The following PPP2R3A variants were observed in gnomAD, a reference collection of about 807,000 sequenced individuals.
PPP2R3A encodes protein phosphatase 2 regulatory subunit B''alpha.
PPP2R3A carries 80 observed loss-of-function variants against 106.9 expected under a neutral mutation model. That is an observed-to-expected ratio of 0.75 (90% CI 0.62 to 0.90). The LOEUF (loss-of-function observed/expected upper bound fraction) is 0.90, where lower values mean the gene tolerates loss of function less well. Among genes scored for constraint, PPP2R3A ranks in the 40% least tolerant of loss-of-function variants. The pLI is 0.00. For synonymous variants in PPP2R3A, 483 were observed against 468.3 expected (o/e 1.03, Z -0.41); for missense variants, 1,386 against 1,350.4 (o/e 1.03, Z -0.41).
In PPP2R3A at chr3:136,026,989, TC is replaced by T; in HGVS notation, c.2156del (p.Pro719GlnfsTer11). 1.2e-6 allele frequency: 2 copies of T among 1,613,098 alleles called. No homozygotes were observed. The highest frequency in any genetic ancestry group is 1.7e-6 in the Non-Finnish European group (2 of 1,179,080). On this transcript the variant is annotated frameshift_variant, in exon 3 of 14. Coordinates refer to ENST00000264977, the MANE Select transcript of PPP2R3A (RefSeq NM_002718.5). LOFTEE classifies it high-confidence loss of function. ...NIPRFYFPEG[L>X]PDTCSNHEQT... ...CCACGGTTCTACTTTCCTGAAGGAC[TC>T]CCAGATACCTGTAGTAATCATGAAC...
chr3:136,092,801 T>C (rs970449022), intron 10 of PPP2R3A, among the ~76,000 whole-genome samples: 6 of 152,182 alleles, frequency 3.9e-5, no homozygotes, highest in South Asian at 2.1e-4. Context: ...TTTTAATAAA[T>C]AGTGCCGGAA....
intron 2 of PPP2R3A, among the ~76,000 whole-genome samples, chr3:136,007,611 T>C (rs544843701): frequency 6.6e-6 from 1 of 152,276 alleles, no homozygotes; most frequent in African/African-American, 2.4e-5. Flanking sequence ...GGGGCAGAAA[T>C]CCCTCGATAA....
chr3:136,117,071 G>T (rs771741342), intron 13 of PPP2R3A, among the ~76,000 whole-genome samples: 6 of 152,050 alleles, frequency 3.9e-5, no homozygotes, highest in African/African-American at 1.2e-4. Flanking sequence ...ATTAGAACTC[G>T]GGATTAAGAA....
chr3:135,973,822 A>G (rs1348826857), intron 1 of PPP2R3A, among the ~76,000 whole-genome samples: 3 of 152,194 alleles, frequency 2.0e-5, no homozygotes, highest in Admixed American at 2.0e-4. Context: ...TGTTCTAGAT[A>G]CCGGAGATAT....
chr3:136,001,562 C>T lies in PPP2R3A; in HGVS notation c.64C>T (p.Arg22Trp), dbSNP rs199925843. Residue 22 changes from arginine to tryptophan, a missense_variant, in exon 2 of 14, where the codon CGG (arginine) becomes TGG (tryptophan). Physicochemically the swap from Arg to Trp is moderately radical, Grantham distance 101. Coordinates refer to ENST00000264977, the MANE Select transcript of PPP2R3A (RefSeq NM_002718.5). Reference protein sequence around the residue: ...VNHYSSVVIDRRFEQAIHYCT... With the variant: ...VNHYSSVVIDWRFEQAIHYCT... ...CCACTACAGCAGCGTGGTGATAGAC[C>T]GGCGTTTTGAACAAGCTATACATTA... is the stretch of plus-strand genomic sequence containing the variant. 27 of 1,613,996 alleles carry T rather than the reference C, an allele frequency of 1.7e-5. No individual in the cohort carries two copies. The highest frequency in any genetic ancestry group is 6.7e-5 in the East Asian group (3 of 44,900).
intron 10 of PPP2R3A, among the ~76,000 whole-genome samples, chr3:136,093,313 G>A (rs1466838289): frequency 3.3e-5 from 5 of 152,220 alleles, no homozygotes. Context: ...GGAGGCTGAG[G>A]TGGGAGGATC....
At chr3:136,065,132 TCAAC>T (rs752148206) in intron 5 of PPP2R3A, among the ~76,000 whole-genome samples, 6 of 152,068 alleles carry the variant, frequency 3.9e-5, no homozygotes, top group Non-Finnish European at 5.9e-5. Flanking sequence ...ACAAAGATAA[TCAAC>T]CAAAGAACTG....
Position 136,001,375 on chromosome 3 carries a change from A to T in PPP2R3A, c.-124A>T. ...GTTTCCCTTCATGGGAAAAGCCATT[A>T]TATTTGGAAGAAACCACTGAACATT... On this transcript the variant is annotated 5_prime_UTR_variant, in exon 2 of 14. Coordinates refer to ENST00000264977, the MANE Select transcript of PPP2R3A (RefSeq NM_002718.5). 1.2e-6 allele frequency: 1 copy of T among 848,148 alleles called. No individual in the cohort carries two copies. The highest frequency in any genetic ancestry group is 1.8e-6 in the Non-Finnish European group (1 of 547,132). The allele number at this position is 848,148 out of a possible 1,614,324, so 52.5% of individuals were successfully genotyped here.
At chr3:136,080,324 T>C (rs1936742654) in intron 7 of PPP2R3A, among the ~76,000 whole-genome samples, 1 of 152,240 alleles carries the variant, frequency 6.6e-6, no homozygotes, top group African/African-American at 2.4e-5. Flanking sequence ...AGTGATGCAG[T>C]GAACATCCTT....
intron 3 of PPP2R3A, among the ~76,000 whole-genome samples, chr3:136,030,721 A>C (rs1188818678): frequency 6.7e-6 from 1 of 149,198 alleles, no homozygotes; most frequent in East Asian, 1.9e-4. Flanking sequence ...TGCGAATGCC[A>C]TTAATTCATT....
At chr3:136,021,309 T>A (rs1934455695) in intron 2 of PPP2R3A, among the ~76,000 whole-genome samples, 1 of 152,004 alleles carries the variant, frequency 6.6e-6, no homozygotes, top group African/African-American at 2.4e-5. Flanking sequence ...AAGGAACGAC[T>A]CAGGATGAAG....
At chr3:136,040,800 T>C in intron 3 of PPP2R3A, 59 bp from the exon 4 acceptor site, 1 of 1,412,264 alleles carries the variant, frequency 7.1e-7, no homozygotes, top group Non-Finnish European at 9.6e-7. Context: ...ATCTTTTCTT[T>C]GGCCGTGTCA....
At chr3:135,978,852 C>A (rs1937493153) in intron 1 of PPP2R3A, among the ~76,000 whole-genome samples, 4 of 151,710 alleles carry the variant, frequency 2.6e-5, no homozygotes, top group Admixed American at 2.6e-4. Flanking sequence ...TTCTCATCAA[C>A]CTGTGATTTT....
intron 13 of PPP2R3A, among the ~76,000 whole-genome samples, chr3:136,136,263 G>A (rs541825079): frequency 1.3e-5 from 2 of 152,002 alleles, no homozygotes; most frequent in East Asian, 3.9e-4. Context: ...AAATAAGACA[G>A]TGTATATAAT....
chr3:136,129,900 C>A (rs1252995641), intron 13 of PPP2R3A, among the ~76,000 whole-genome samples: 1 of 152,154 alleles, frequency 6.6e-6, no homozygotes, highest in African/African-American at 2.4e-5. Flanking sequence ...ATAAACAGAA[C>A]CAATGACAAA....
intron 2 of PPP2R3A, among the ~76,000 whole-genome samples, chr3:136,025,688 T>C (rs760884756): frequency 6.6e-6 from 1 of 152,150 alleles, no homozygotes; most frequent in African/African-American, 2.4e-5. Context: ...GTTCAAACTT[T>C]AGAGATGGCA....
intron 1 of PPP2R3A, among the ~76,000 whole-genome samples, chr3:135,991,960 T>C (rs934452373): frequency 6.6e-6 from 1 of 152,212 alleles, no homozygotes; most frequent in Non-Finnish European, 1.5e-5. Flanking sequence ...AAAGCATTAA[T>C]TTTTCTGTCA....
At chr3:136,128,122 C>T (rs1009077521) in intron 13 of PPP2R3A, among the ~76,000 whole-genome samples, 1 of 152,134 alleles carries the variant, frequency 6.6e-6, no homozygotes, top group Non-Finnish European at 1.5e-5. Flanking sequence ...GCAAAATAAC[C>T]AGTGAACATC....
At chr3:136,035,719 GT>G (rs1935062030) in intron 3 of PPP2R3A, among the ~76,000 whole-genome samples, 1 of 152,312 alleles carries the variant, frequency 6.6e-6, no homozygotes, top group East Asian at 1.9e-4. Context: ...TGATCTTTGT[GT>G]GATGAATTTC....
Sources: gnomAD v4.1 joint callset for allele counts (sites outside exome capture counted in the v4.1 genomes callset) on GRCh38, gnomAD v4.1.1 for gene constraint, MANE v1.5 for transcripts, NCBI Gene and HGNC (gene_info 2026-07-23, HGNC 2026-07-21) for gene names.